The following CTNNA2 variants were observed in gnomAD, a reference collection of about 807,000 sequenced individuals.
CTNNA2 encodes the protein catenin alpha-2.
Under a neutral mutation model 101.0 loss-of-function variants are expected in CTNNA2, and 42 were observed. The ratio of observed to expected loss-of-function variants is 0.42; its 90% confidence interval spans 0.32 to 0.54. The LOEUF (loss-of-function observed/expected upper bound fraction) is 0.54, where lower values mean the gene tolerates loss of function less well. Ranked by LOEUF, CTNNA2 falls within the 20% of genes least tolerant of loss-of-function variation. The probability of loss-of-function intolerance (pLI) is 0.14; values close to 1 mark genes in which losing one functional copy is unlikely to be tolerated. For synonymous variants in CTNNA2, 450 were observed against 456.4 expected, an observed-to-expected ratio of 0.99 and a Z score of 0.18; for missense variants, 871 against 1,223.1, an observed-to-expected ratio of 0.71 and a Z score of 4.29.
At position 80,368,867 on chromosome 2, in the gene CTNNA2, G is replaced by GTGTGTATATATA. The variant is rs112571951; in HGVS notation, c.1057-24343_1057-24342insGTGTATATATAT. On this transcript the variant is annotated intron_variant, in intron 7 of 18. Transcript: ENST00000402739. ...TATATATGTGTGTGTGTGTGTGTGT[G>GTGTGTATATATA]TATATATATATATATATTTGGCACG... 2.4e-3 allele frequency among the ~76,000 whole-genome samples: 345 copies of GTGTGTATATATA among 144,748 alleles called. 3 individuals are homozygous for GTGTGTATATATA. The highest frequency in any genetic ancestry group is 8.2e-3 in the African/African-American group (319 of 38,730). 95.0% of individuals were successfully genotyped at this position (144,748 alleles called of 152,430 possible).
chr2:79,823,119 ACTTTTGT>A (rs1402163445), intron 3 of CTNNA2, among the ~76,000 whole-genome samples: 1 of 152,188 alleles, frequency 6.6e-6, no homozygotes, highest in Admixed American at 6.5e-5. Flanking sequence ...CAGAGCGACG[ACTTTTGT>A]CTCTGTTGCA....
chr2:80,553,472 TA>T (rs1426930513), intron 11 of CTNNA2, among the ~76,000 whole-genome samples: 1 of 152,128 alleles, frequency 6.6e-6, no homozygotes, highest in Non-Finnish European at 1.5e-5. Flanking sequence ...ATAGTCCTAT[TA>T]AAAATACGTT....
At chr2:79,809,158 A>G (rs1676810229) in intron 3 of CTNNA2, among the ~76,000 whole-genome samples, 1 of 152,184 alleles carries the variant, frequency 6.6e-6, no homozygotes, top group African/African-American at 2.4e-5. Context: ...CATGGTGGAT[A>G]TGTGCCACAT....
Position 80,135,042 on chromosome 2 carries a change from C to T in CTNNA2, c.1056+225245C>T, listed in dbSNP as rs574224295. 8.5e-5 allele frequency among the ~76,000 whole-genome samples: 13 copies of T among 152,220 alleles called. No individual in the cohort carries two copies. In the South Asian group the frequency reaches 2.7e-3, roughly 32 times the overall value. The stretch of plus-strand genomic sequence containing the variant: ...ATTAAAATGTGATCTGCATATTTTT[C>T]TCTTTTCATGTACTGCTTATCTGTA... On this transcript the variant is annotated intron_variant, in intron 7 of 18. Coordinates refer to ENST00000402739, the MANE Select transcript of CTNNA2 (RefSeq NM_001282597.3).
chr2:79,523,136 C>T, intron 1 of CTNNA2: 5 of 318,252 alleles, frequency 1.6e-5, no homozygotes, highest in South Asian at 2.7e-5. Context: ...AAAATTCTTC[C>T]TCTACATTAG....
At chr2:80,374,646 G>A (rs768385165) in intron 7 of CTNNA2, among the ~76,000 whole-genome samples, 76 of 150,904 alleles carry the variant, frequency 5.0e-4, no homozygotes, top group African/African-American at 7.8e-4. Flanking sequence ...CTTCTCCTTC[G>A]GCCCTCACAC....
At chr2:79,979,058 C>T (rs77539239) in intron 7 of CTNNA2, among the ~76,000 whole-genome samples, 4,050 of 152,130 alleles carry the variant, frequency 0.027, 77 homozygotes, top group Non-Finnish European at 0.041. Flanking sequence ...TGATACATCC[C>T]TGAGGGAATC....
intron 7 of CTNNA2, among the ~76,000 whole-genome samples, chr2:80,232,178 A>C (rs912533285): frequency 1.3e-4 from 20 of 152,126 alleles, no homozygotes; most frequent in African/African-American, 4.8e-4. Context: ...TTAACATCGT[A>C]AGTCTCTCTA....
chr2:79,489,940 G>A (rs756662980), intron 4 of CTNNA2, among the ~76,000 whole-genome samples: 20 of 152,056 alleles, frequency 1.3e-4, no homozygotes, highest in African/African-American at 2.2e-4. Context: ...ATGGCCCCTC[G>A]TCTCATTGTC....
intron 12 of CTNNA2, among the ~76,000 whole-genome samples, chr2:80,566,052 G>GT (rs1445770281): frequency 6.6e-6 from 1 of 152,078 alleles, no homozygotes; most frequent in Non-Finnish European, 1.5e-5. Flanking sequence ...CTGCTAGCTA[G>GT]TTTTTTACCA....
intron 8 of CTNNA2, among the ~76,000 whole-genome samples, chr2:80,412,211 G>A (rs1679646299): frequency 6.6e-6 from 1 of 152,184 alleles, no homozygotes; most frequent in African/African-American, 2.4e-5. Flanking sequence ...TGGAGGTAAA[G>A]GAGGAATTTG....
chr2:79,606,535 T>A (rs1677906262), intron 1 of CTNNA2, among the ~76,000 whole-genome samples: 1 of 152,220 alleles, frequency 6.6e-6, no homozygotes, highest in Admixed American at 6.5e-5. Context: ...CCCAAAGTGC[T>A]GGGATTACAG....
rs191309992 is a variant in CTNNA2 at position 79,902,901 on chromosome 2, G to A, written c.853-6693G>A. Among the ~76,000 whole-genome samples, 312 of 152,126 alleles carry A rather than the reference G, an allele frequency of 2.1e-3. 1 individual carries two copies. Among genetic ancestry groups the A allele is most frequent in the African/African-American group, 7.0e-3 (292 of 41,528 alleles). ...CAGCCTCCCAAAGTGCTGGGATTAC[G>A]GGCATGAGCCACTGCGCCCGGTCAG... On this transcript the variant is annotated intron_variant, in intron 6 of 18. Transcript: ENST00000402739.
intron 2 of CTNNA2, among the ~76,000 whole-genome samples, chr2:79,661,446 C>A (rs12620274): frequency 0.18 from 27,727 of 152,124 alleles, 2,896 homozygotes; most frequent in East Asian, 0.45. Flanking sequence ...TATGAAATGA[C>A]TGTGTTTAAT....
At chr2:79,265,723 T>C (rs749705309) in intron 2 of CTNNA2, among the ~76,000 whole-genome samples, 1 of 152,172 alleles carries the variant, frequency 6.6e-6, no homozygotes, top group African/African-American at 2.4e-5. Context: ...GAAAATTATT[T>C]CAGAAGTCAT....
At chr2:80,406,731 G>C (rs1021754273) in intron 8 of CTNNA2, among the ~76,000 whole-genome samples, 8 of 149,504 alleles carry the variant, frequency 5.4e-5, no homozygotes, top group African/African-American at 2.0e-4. Context: ...GGAGGCTGAG[G>C]CAGGAGAATG....
intron 2 of CTNNA2, among the ~76,000 whole-genome samples, chr2:79,724,541 C>T (rs906413109): frequency 2.6e-5 from 4 of 151,916 alleles, no homozygotes; most frequent in Admixed American, 1.3e-4. Context: ...AATGGGCTGG[C>T]GCGGTGGCTC....
chr2:79,247,743 G>T lies in CTNNA2; in HGVS notation c.-406+49667G>T, dbSNP rs145386592. 8.8e-3 allele frequency among the ~76,000 whole-genome samples: 1,336 copies of T among 152,270 alleles called. 15 individuals carry two copies. Among genetic ancestry groups the T allele is most frequent in the African/African-American group, 0.03 (1,250 of 41,562 alleles). ...CTGGATTTGCCAGGTGGGCCCAAAG[G>T]TGAAGTAAATTTGAGCATAGAAGAA... On this transcript the variant is annotated intron_variant, in intron 2 of 21. Coordinates refer to the CTNNA2 transcript ENST00000466387.
At chr2:80,315,337 G>A (rs1678010747) in intron 7 of CTNNA2, among the ~76,000 whole-genome samples, 1 of 152,212 alleles carries the variant, frequency 6.6e-6, no homozygotes, top group African/African-American at 2.4e-5. Flanking sequence ...CTGGCAATAT[G>A]TGTTGGCTGA....
Sources: allele counts gnomAD v4.1 joint callset (sites outside exome capture counted in the v4.1 genomes callset), GRCh38; gene constraint gnomAD v4.1.1; transcripts MANE v1.5; gene names NCBI Gene and HGNC (gene_info 2026-07-23, HGNC 2026-07-21).